The following FMN1 variants were observed in gnomAD, a reference collection of about 807,000 sequenced individuals.
FMN1 encodes formin-1.
In FMN1, 110 loss-of-function variants were observed where a neutral mutation model predicts 132.4. The ratio of observed to expected loss-of-function variants is 0.83; its 90% CI spans 0.71 to 0.97. The LOEUF (loss-of-function observed/expected upper bound fraction) is 0.97. Ranked by LOEUF, FMN1 falls within the 50% of genes least tolerant of loss-of-function variation. The pLI is 0.00. For missense variants in FMN1, 1,792 were observed against 1,705.3 expected, an observed-to-expected ratio of 1.05 and a Z score of -0.90; for synonymous variants, 722 against 651.7, an observed-to-expected ratio of 1.11 and a Z score of -1.64.
chr15:32,885,384 C>T (rs2059871972), intron 16 of FMN1, among the ~76,000 whole-genome samples: 1 of 152,180 alleles, frequency 6.6e-6, no homozygotes, highest in Admixed American at 6.5e-5. Flanking sequence ...TGTCTGATCT[C>T]CAATCAGATG....
chr15:33,006,172 AT>A (rs760891178), intron 7 of FMN1, among the ~76,000 whole-genome samples: 29 of 152,358 alleles, frequency 1.9e-4, no homozygotes, highest in Non-Finnish European at 3.1e-4. Context: ...TATACAAAAA[AT>A]ATTTAAGGAA....
chr15:33,144,446 C>T (rs1566950168), intron 4 of FMN1, among the ~76,000 whole-genome samples: 1 of 151,986 alleles, frequency 6.6e-6, no homozygotes, highest in Admixed American at 6.6e-5. Context: ...ACCATCCTGG[C>T]TAACACGGTG....
At chr15:33,019,123 T>G (rs892629436) in intron 6 of FMN1, among the ~76,000 whole-genome samples, 4 of 152,108 alleles carry the variant, frequency 2.6e-5, no homozygotes, top group Non-Finnish European at 4.4e-5. Context: ...TTGGTCCATT[T>G]TACAGAGAGC....
In FMN1 at chr15:33,154,418, C is replaced by G; in HGVS notation, c.497G>C (p.Arg166Thr). Reference sequence around the variant, plus strand: ...CTGTGGAAGGGCCCCAAAGCTCTCTCTCCTTCCACTAGACCTCCGAGGCTT... The same window carrying G: ...CTGTGGAAGGGCCCCAAAGCTCTCTGTCCTTCCACTAGACCTCCGAGGCTT... ...NKKPRRSSGR[R>T]ESFGALPQKR... Residue 166 changes from arginine to threonine, a missense_variant, in exon 4 of 21, where the codon AGA (arginine) becomes ACA (threonine). Physicochemically the swap from Arg to Thr is moderately conservative, Grantham distance 71. Transcript: ENST00000616417. 1 of 1,536,198 alleles carries G rather than the reference C, an allele frequency of 6.5e-7. No homozygotes were observed. Among genetic ancestry groups the G allele is most frequent in the African/African-American group, 1.4e-5 (1 of 73,162 alleles).
At chr15:33,031,222 CAGCA>C (rs2141066101) in intron 6 of FMN1, among the ~76,000 whole-genome samples, 1 of 152,320 alleles carries the variant, frequency 6.6e-6, no homozygotes, top group South Asian at 2.1e-4. Context: ...TTAATGTCCA[CAGCA>C]TACTATCCAA....
intron 18 of FMN1, among the ~76,000 whole-genome samples, chr15:32,801,338 CT>C (rs976114667): frequency 1.1e-4 from 17 of 152,010 alleles, no homozygotes; most frequent in African/African-American, 4.1e-4. Context: ...AAATTTCAGC[CT>C]TTTTTTTCTT....
rs1328027218 is a variant in FMN1 at position 33,153,100 on chromosome 15, C to G, written c.1815G>C (p.Lys605Asn). ...PRLVPGETLE[K>N]SLGPGKTTAE... ...CTGTGGTCTTCCCTGGCCCCAAGCT[C>G]TTTTCCAAAGTTTCCCCAGGCACCA... Residue 605 changes from lysine to asparagine, a missense_variant, in exon 4 of 21, where the codon AAG becomes AAC. Physicochemically the swap from Lys to Asn is moderately conservative, Grantham distance 94. Around this residue, in one of 3 missense-constraint regions of FMN1, gnomAD observed 1,150 missense variants for 1,043.1 expected, o/e 1.10. Coordinates refer to ENST00000616417, the MANE Select transcript of FMN1 (RefSeq NM_001277313.2). 6.5e-7 allele frequency: 1 copy of G among 1,535,806 alleles called. No homozygotes were observed. Among genetic ancestry groups the G allele is most frequent in the African/African-American group, 1.4e-5 (1 of 73,022 alleles).
In FMN1 at chr15:33,155,013, G is replaced by A; in HGVS notation, c.-99C>T. 6 of 925,146 alleles carry A rather than the reference G, an allele frequency of 6.5e-6. No individual in the cohort carries two copies. Among genetic ancestry groups the A allele is most frequent in the Non-Finnish European group, 9.5e-6 (6 of 632,918 alleles). The allele number at this position is 925,146 out of a possible 1,614,324, so 57.3% of individuals were successfully genotyped here. ...ATGTGATGGTGGCTATGCAGAGAAAGCAGCTGACAGTCATCTCCAGCAATG... is the reference window on the plus strand; with the variant it reads ...ATGTGATGGTGGCTATGCAGAGAAAACAGCTGACAGTCATCTCCAGCAATG... On this transcript the variant is annotated 5_prime_UTR_variant, in exon 4 of 21. Transcript: ENST00000616417.
chr15:32,936,753 G>T (rs192993772), intron 9 of FMN1, among the ~76,000 whole-genome samples: 1 of 152,104 alleles, frequency 6.6e-6, no homozygotes, highest in Non-Finnish European at 1.5e-5. Flanking sequence ...GGGTGAAGAT[G>T]AAGAAGAGCA....
intron 4 of FMN1, among the ~76,000 whole-genome samples, chr15:33,128,177 GCAAA>G (rs10592515): frequency 0.12 from 18,099 of 151,948 alleles, 3,210 homozygotes; most frequent in African/African-American, 0.39. Context: ...AATAAAGCAA[GCAAA>G]CAAATTGCTC....
chr15:32,805,082 CCA>C (rs1208468811), intron 17 of FMN1, among the ~76,000 whole-genome samples: 1 of 152,160 alleles, frequency 6.6e-6, no homozygotes, highest in Non-Finnish European at 1.5e-5. Context: ...TGAGGAATCA[CCA>C]CACTGTCTTC....
At chr15:33,079,558 G>A (rs1185271167) in intron 5 of FMN1, among the ~76,000 whole-genome samples, 2 of 152,256 alleles carry the variant, frequency 1.3e-5, no homozygotes, top group East Asian at 1.9e-4. Flanking sequence ...GGGAGGCAGA[G>A]GTTGGAGTGA....
At chr15:32,862,650 C>A (rs4780052) in intron 16 of FMN1, among the ~76,000 whole-genome samples, 64,257 of 152,040 alleles carry the variant, frequency 0.42, 14,414 homozygotes, top group Admixed American at 0.52. Context: ...AAAGCCTAGG[C>A]AGGTTAGAAA....
chr15:33,148,121 C>G (rs1335918677), intron 4 of FMN1, among the ~76,000 whole-genome samples: 1 of 152,218 alleles, frequency 6.6e-6, no homozygotes, highest in African/African-American at 2.4e-5. Context: ...AAGATTACCA[C>G]TGTTCTATAA....
intron 17 of FMN1, among the ~76,000 whole-genome samples, chr15:32,851,084 C>CA (rs147231214): frequency 0.025 from 3,842 of 151,318 alleles, 158 homozygotes; most frequent in African/African-American, 0.088. Context: ...CAAAACAAAA[C>CA]AAAAAAAACA....
chr15:32,906,966 A>T (rs2060441010), intron 12 of FMN1, among the ~76,000 whole-genome samples: 1 of 152,148 alleles, frequency 6.6e-6, no homozygotes, highest in Admixed American at 6.5e-5. Flanking sequence ...GAGTAAACCC[A>T]GAATTCTCTT....
At chr15:33,137,990 G>C (rs934458314) in intron 4 of FMN1, among the ~76,000 whole-genome samples, 5 of 152,180 alleles carry the variant, frequency 3.3e-5, no homozygotes, top group Non-Finnish European at 7.3e-5. Context: ...GTAAGATGGA[G>C]ATAATAATAA....
intron 2 of FMN1, among the ~76,000 whole-genome samples, chr15:33,188,546 T>C (rs1965969042): frequency 6.6e-6 from 1 of 152,202 alleles, no homozygotes; most frequent in African/African-American, 2.4e-5. Context: ...AGTCTTCAGC[T>C]GTGTCTCCCT....
chr15:32,774,124 G>A lies in FMN1; in HGVS notation c.*186C>T, dbSNP rs1438733949. 1.2e-5 allele frequency: 7 copies of A among 605,334 alleles called. No individual in the cohort carries two copies. The highest frequency in any genetic ancestry group is 2.0e-5 in the Non-Finnish European group (7 of 342,560). 37.5% of individuals were successfully genotyped at this position (605,334 alleles called of 1,614,324 possible). A position where few individuals can be genotyped will look rare whatever the true frequency, so the allele number is the denominator to read the frequency against. The stretch of plus-strand genomic sequence containing the variant: ...CCTTAAATAGTTTTCCATTGTTCCT[G>A]CGGCTTAATGAGGGACTTCTTAAAG... On this transcript the variant is annotated 3_prime_UTR_variant, in exon 21 of 21. Transcript: ENST00000616417.
Sources: gnomAD v4.1 joint callset for allele counts (sites outside exome capture counted in the v4.1 genomes callset) on GRCh38, gnomAD v4.1.1 for gene constraint, gnomAD v4.1.1 regional missense constraint, MANE v1.5 for transcripts, NCBI Gene and HGNC (gene_info 2026-07-23, HGNC 2026-07-21) for gene names.